The following SAMMSON variants were observed in gnomAD, a reference collection of about 807,000 sequenced individuals.
SAMMSON encodes survival associated mitochondrial melanoma specific oncogenic non-coding RNA.
chr3:70,167,206 A>G (rs1054699836), intron 4 of SAMMSON, among the ~76,000 whole-genome samples: 8 of 152,094 alleles, frequency 5.3e-5, no homozygotes, highest in Non-Finnish European at 7.4e-5. Context: ...GCTAGTGACT[A>G]TCGTATTGGA....
chr3:70,340,672 C>A (rs2106728537), intron 7 of SAMMSON, among the ~76,000 whole-genome samples: 1 of 152,218 alleles, frequency 6.6e-6, no homozygotes, highest in African/African-American at 2.4e-5. Flanking sequence ...CCCTGGAAGA[C>A]AACATTCCAT....
At chr3:70,395,155 G>A (rs1293021085) in intron 2 of SAMMSON, among the ~76,000 whole-genome samples, 1 of 152,028 alleles carries the variant, frequency 6.6e-6, no homozygotes, top group African/African-American at 2.4e-5. Context: ...CCCACCCTGG[G>A]GAATGAGACG....
At chr3:70,023,004 T>C (rs1230618458) in intron 3 of SAMMSON, among the ~76,000 whole-genome samples, 1 of 152,198 alleles carries the variant, frequency 6.6e-6, no homozygotes, top group East Asian at 1.9e-4. Flanking sequence ...GGTCCAATTT[T>C]CCTATTAATA....
At chr3:70,242,378 C>T (rs965145597) in intron 4 of SAMMSON, among the ~76,000 whole-genome samples, 2 of 152,050 alleles carry the variant, frequency 1.3e-5, no homozygotes, top group African/African-American at 4.8e-5. Context: ...ACTTTTTTCC[C>T]ATTTGTGGAA....
downstream of SAMMSON, among the ~76,000 whole-genome samples, chr3:70,392,270 A>C (rs1272168087): frequency 6.6e-6 from 1 of 152,118 alleles, no homozygotes; most frequent in Admixed American, 6.6e-5. Context: ...TTTCATTCAC[A>C]TCTCACCACC....
intron 7 of SAMMSON, among the ~76,000 whole-genome samples, chr3:70,352,372 A>G (rs992976850): frequency 1.3e-5 from 2 of 152,126 alleles, no homozygotes; most frequent in Non-Finnish European, 2.9e-5. Context: ...ATTTTTCAAT[A>G]CTGAAAGAAA....
chr3:70,269,034 T>C (rs1701950612), intron 6 of SAMMSON, among the ~76,000 whole-genome samples: 1 of 152,118 alleles, frequency 6.6e-6, no homozygotes, highest in South Asian at 2.1e-4. Context: ...AATTCTATTG[T>C]GATAGGATAT....
intron 7 of SAMMSON, among the ~76,000 whole-genome samples, chr3:70,346,477 T>C (rs1702751321): frequency 6.6e-6 from 1 of 152,094 alleles, no homozygotes; most frequent in South Asian, 2.1e-4. Flanking sequence ...TGGGTTTAGG[T>C]TTACTTATTT....
In SAMMSON at chr3:70,339,668, G is replaced by A. The variant is rs909566789; in HGVS notation, n.740-14507G>A. ...ACATGAAAAAATGTTCATCGTCACT[G>A]GCCATCAGAGAAATGCAAATCAAAA... is the stretch of plus-strand genomic sequence containing the variant. On this transcript the variant is annotated intron_variant and non_coding_transcript_variant, in intron 7 of 9. Transcript: ENST00000642114. Among the ~76,000 whole-genome samples the A allele has an allele frequency of 2.0e-5, 3 of 152,248 alleles. No individual in the cohort carries two copies. The East Asian group carries it at 5.8e-4, about 29-fold the overall frequency.
Position 70,317,620 on chromosome 3 carries a change from G to GTA in SAMMSON, n.739+26389_739+26390dup, listed in dbSNP as rs562482977. 4.4e-3 allele frequency among the ~76,000 whole-genome samples: 654 copies of GTA among 149,972 alleles called. 5 individuals are homozygous for GTA. Among genetic ancestry groups the GTA allele is most frequent in the African/African-American group, 0.013 (544 of 40,996 alleles). On this transcript the variant is annotated intron_variant and non_coding_transcript_variant, in intron 7 of 9. Coordinates refer to ENST00000642114, the Ensembl canonical transcript of SAMMSON. ...TGTATATATATATGTATGTATATAT[G>GTA]TATATATATATATGGATATACACGC...
intron 3 of SAMMSON, among the ~76,000 whole-genome samples, chr3:70,064,561 T>A (rs2067202196): frequency 6.6e-6 from 1 of 152,150 alleles, no homozygotes; most frequent in South Asian, 2.1e-4. Context: ...CTGCCTAGCA[T>A]AATGAGCTGG....
At chr3:70,085,417 C>A (rs920504398) in intron 4 of SAMMSON, among the ~76,000 whole-genome samples, 9 of 152,096 alleles carry the variant, frequency 5.9e-5, no homozygotes, top group African/African-American at 2.2e-4. Flanking sequence ...TGTAGGGAAG[C>A]CAGTCCAGTA....
At chr3:70,025,697 T>C (rs1025332984) in intron 3 of SAMMSON, among the ~76,000 whole-genome samples, 1 of 152,202 alleles carries the variant, frequency 6.6e-6, no homozygotes, top group Admixed American at 6.5e-5. Flanking sequence ...GTATAACTTT[T>C]GACTCACTAC....
chr3:70,125,417 C>A, intron 4 of SAMMSON: 1 of 1,193,438 alleles, frequency 8.4e-7, no homozygotes, highest in Non-Finnish European at 1.2e-6. Flanking sequence ...CATTTCTTCT[C>A]TAGAAATTCT....
Position 70,203,562 on chromosome 3 carries a change from G to GT in SAMMSON, n.508-45538dup, listed in dbSNP as rs544778921. 3.6e-3 allele frequency among the ~76,000 whole-genome samples: 554 copies of GT among 152,170 alleles called. 1 individual carries two copies. Among genetic ancestry groups the GT allele is most frequent in the African/African-American group, 0.012 (501 of 41,538 alleles). ...TGATACTAAGTAAATTTGGGCTTAT[G>GT]TTTTTTTCTGAGCAAATGAACTGAA... is the stretch of plus-strand genomic sequence containing the variant. On this transcript the variant is annotated intron_variant and non_coding_transcript_variant, in intron 4 of 9. Transcript: ENST00000642114.
intron 7 of SAMMSON, among the ~76,000 whole-genome samples, chr3:70,298,632 G>A (rs745478283): frequency 1.3e-5 from 2 of 152,156 alleles, no homozygotes; most frequent in East Asian, 1.9e-4. Flanking sequence ...GCTGAAGCTC[G>A]TGTTTAGGGA....
At chr3:70,321,400 C>T (rs956531648) in intron 7 of SAMMSON, among the ~76,000 whole-genome samples, 1 of 152,028 alleles carries the variant, frequency 6.6e-6, no homozygotes, top group African/African-American at 2.4e-5. Flanking sequence ...TCTGGAGATT[C>T]ATCCACACTG....
At chr3:70,029,447 C>G (rs1411328743) in intron 3 of SAMMSON, among the ~76,000 whole-genome samples, 4 of 152,084 alleles carry the variant, frequency 2.6e-5, no homozygotes, top group Admixed American at 1.3e-4. Context: ...GTAGCATTAT[C>G]TTTCTATTAA....
intron 4 of SAMMSON, chr3:70,124,998 A>G (rs991288387): frequency 1.5e-6 from 1 of 667,130 alleles, no homozygotes; most frequent in African/African-American, 1.8e-5. Flanking sequence ...CAGGTGGTCA[A>G]TTTCTTCCTG....
Sources: gnomAD v4.1 joint callset for allele counts (sites outside exome capture counted in the v4.1 genomes callset) on GRCh38, gnomAD v4.1.1 for gene constraint, MANE v1.5 for transcripts, NCBI Gene and HGNC (gene_info 2026-07-23, HGNC 2026-07-21) for gene names.